TMEM266: variants seen among roughly 807,000 people sequenced by gnomAD.
TMEM266 encodes Hv1 related protein 1.
A neutral mutation model predicts 50.5 loss-of-function variants in TMEM266; 33 were observed. That is an observed-to-expected ratio of 0.65 (90% CI 0.50 to 0.87). The LOEUF (loss-of-function observed/expected upper bound fraction) is 0.87, where lower values mean the gene tolerates loss of function less well. TMEM266 is among the 40% of genes least tolerant of loss of function. The pLI, the probability that TMEM266 is intolerant of heterozygous loss-of-function variation, is 0.00. For missense variants in TMEM266, 655 were observed against 695.1 expected (o/e 0.94, Z 0.65); for synonymous variants, 310 against 292.3 (o/e 1.06, Z -0.62).
intron 9 of TMEM266, among the ~76,000 whole-genome samples, chr15:76,200,594 T>C (rs977377723): frequency 6.6e-6 from 1 of 152,228 alleles, no homozygotes; most frequent in Non-Finnish European, 1.5e-5. Context: ...CATGGCCCTC[T>C]GGAGTCCCTG....
intron 1 of TMEM266, among the ~76,000 whole-genome samples, chr15:76,122,811 G>A (rs1057083987): frequency 3.3e-5 from 5 of 152,136 alleles, no homozygotes; most frequent in African/African-American, 1.2e-4. Flanking sequence ...GCCAGCTAGG[G>A]GCGAGGAGCA....
intron 5 of TMEM266, 118 bp from the exon 6 acceptor site, chr15:76,169,698 G>T: frequency 8.7e-7 from 1 of 1,147,142 alleles, no homozygotes; most frequent in South Asian, 1.3e-5. Flanking sequence ...CTTAGTGGAT[G>T]GCGGAGACCT....
At chr15:76,177,049 C>A (rs911457272) in intron 8 of TMEM266, among the ~76,000 whole-genome samples, 1 of 152,138 alleles carries the variant, frequency 6.6e-6, no homozygotes, top group Admixed American at 6.5e-5. Context: ...CTGTCTAATT[C>A]AAGTCCTAGC....
chr15:76,110,293 G>A (rs971161109), intron 1 of TMEM266, among the ~76,000 whole-genome samples: 23 of 152,098 alleles, frequency 1.5e-4, no homozygotes, highest in African/African-American at 4.6e-4. Context: ...ATAAGCCACC[G>A]CACCATGCCA....
chr15:76,116,542 C>G (rs539640734), intron 1 of TMEM266, among the ~76,000 whole-genome samples: 9 of 152,174 alleles, frequency 5.9e-5, no homozygotes, highest in African/African-American at 2.2e-4. Context: ...CTAGCGTTCT[C>G]TCCTGCACCC....
intron 1 of TMEM266, among the ~76,000 whole-genome samples, chr15:76,071,391 A>T (rs1293540274): frequency 6.6e-6 from 1 of 152,178 alleles, no homozygotes. Flanking sequence ...GCCTGTGTGA[A>T]GGAAAGATGA....
intron 1 of TMEM266, among the ~76,000 whole-genome samples, chr15:76,064,725 A>C (rs886953746): frequency 1.3e-5 from 2 of 152,188 alleles, no homozygotes; most frequent in Non-Finnish European, 2.9e-5. Context: ...GATAACTCCT[A>C]TTCCCAGAAC....
At position 76,137,757 on chromosome 15, in the gene TMEM266, T is replaced by C; in HGVS notation, c.89T>C (p.Val30Ala). 6.2e-7 allele frequency: 1 copy of C among 1,614,198 alleles called. No individual in the cohort carries two copies. Among genetic ancestry groups the C allele is most frequent in the Non-Finnish European group, 8.5e-7 (1 of 1,180,022 alleles). Reference sequence around the variant, plus strand: ...GAAGTTGAGATCATCTCCCAACAAGTAGACGAAGAAACCAAGAGCATTGCT... The same window carrying C: ...GAAGTTGAGATCATCTCCCAACAAGCAGACGAAGAAACCAAGAGCATTGCT... The change falls in exon 3 of 11, where the codon GTA (valine) becomes GCA (alanine). Residue 30 changes from valine to alanine, a missense_variant. Physicochemically the swap from Val to Ala is moderately conservative, Grantham distance 64 (BLOSUM62 0). This residue lies in a region of TMEM266 where 99 missense variants were observed against 110.8 expected (regional missense o/e 0.89). Coordinates refer to ENST00000388942, the MANE Select transcript of TMEM266 (RefSeq NM_152335.3).
At chr15:76,159,267 T>G (rs1294714143) in intron 4 of TMEM266, among the ~76,000 whole-genome samples, 2 of 152,254 alleles carry the variant, frequency 1.3e-5, no homozygotes, top group Non-Finnish European at 2.9e-5. Context: ...ATCCTGCTTT[T>G]GGCCTCGCTG....
chr15:76,203,707 T>G (rs767921733), intron 10 of TMEM266, 34 bp from the exon 11 acceptor site: 5 of 1,585,838 alleles, frequency 3.2e-6, no homozygotes, highest in Non-Finnish European at 4.3e-6. Context: ...TGGCAGAGGT[T>G]GAAGTGTGAC....
intron 8 of TMEM266, among the ~76,000 whole-genome samples, chr15:76,181,749 C>T (rs1313357472): frequency 6.6e-6 from 1 of 152,146 alleles, no homozygotes; most frequent in Non-Finnish European, 1.5e-5. Context: ...TTAGATGCAG[C>T]AGTTAAATCA....
intron 3 of TMEM266, among the ~76,000 whole-genome samples, chr15:76,150,939 A>G (rs2037832289): frequency 6.6e-6 from 1 of 152,194 alleles, no homozygotes; most frequent in Non-Finnish European, 1.5e-5. Flanking sequence ...GAAGGTACTC[A>G]GCCTCCCCTC....
chr15:76,075,100 A>G (rs1258119283), intron 1 of TMEM266, among the ~76,000 whole-genome samples: 1 of 152,134 alleles, frequency 6.6e-6, no homozygotes, highest in East Asian at 1.9e-4. Flanking sequence ...CATGTAATTG[A>G]AGATGTCAAG....
chr15:76,084,309 G>C (rs1021078481), intron 1 of TMEM266, among the ~76,000 whole-genome samples: 1 of 152,142 alleles, frequency 6.6e-6, no homozygotes, highest in Non-Finnish European at 1.5e-5. Context: ...GCAAGACCCT[G>C]TCTCAAAAAG....
chr15:76,148,633 T>TC (rs917663894), intron 3 of TMEM266, among the ~76,000 whole-genome samples: 2 of 152,062 alleles, frequency 1.3e-5, no homozygotes, highest in Non-Finnish European at 2.9e-5. Context: ...GTGTCCTTTG[T>TC]CCCCCCAAGA....
At position 76,139,557 on chromosome 15, in the gene TMEM266, C is replaced by T. The variant is rs998714551; in HGVS notation, c.227+1662C>T. 1.3e-5 allele frequency among the ~76,000 whole-genome samples: 2 copies of T among 152,158 alleles called. No homozygotes were observed. Among genetic ancestry groups the T allele is most frequent in the African/African-American group, 2.4e-5 (1 of 41,432 alleles). On this transcript the variant is annotated intron_variant, in intron 3 of 10. Coordinates refer to ENST00000388942, the MANE Select transcript of TMEM266 (RefSeq NM_152335.3). The surrounding 1 kb of genome is among the most constrained non-coding windows in gnomAD (Gnocchi z 4.1). ...CCCAACACTTGGCTAAATGCTCTGCCGCTGCTGTCTTGAAATTCTTAAGGA... is the reference window on the plus strand; with the variant it reads ...CCCAACACTTGGCTAAATGCTCTGCTGCTGCTGTCTTGAAATTCTTAAGGA...
chr15:76,104,355 C>T lies in TMEM266; in HGVS notation c.-96-29813C>T, dbSNP rs192343413. 1.6e-3 allele frequency among the ~76,000 whole-genome samples: 249 copies of T among 152,288 alleles called. 3 individuals carry two copies. Among genetic ancestry groups the T allele is most frequent in the African/African-American group, 5.8e-3 (240 of 41,562 alleles). The stretch of plus-strand genomic sequence containing the variant: ...AAATTCAGTCCCACAGTTGCACAAG[C>T]CACGTTTCACATTTCAAGTGCACCA... On this transcript the variant is annotated intron_variant, in intron 1 of 10. Coordinates refer to ENST00000388942, the MANE Select transcript of TMEM266 (RefSeq NM_152335.3).
chr15:76,183,524 A>T (rs761036702), intron 8 of TMEM266, among the ~76,000 whole-genome samples: 2 of 152,132 alleles, frequency 1.3e-5, no homozygotes, highest in African/African-American at 2.4e-5. Flanking sequence ...GAAAATGGTG[A>T]TATTGCTCTG....
At chr15:76,146,790 TTC>T (rs2037763397) in intron 3 of TMEM266, among the ~76,000 whole-genome samples, 1 of 152,216 alleles carries the variant, frequency 6.6e-6, no homozygotes, top group Non-Finnish European at 1.5e-5. Flanking sequence ...CCAGAAAGTC[TTC>T]TCTCCTCTAA....
Sources: gnomAD v4.1 joint callset for allele counts (sites outside exome capture counted in the v4.1 genomes callset) on GRCh38, gnomAD v4.1.1 for gene constraint, gnomAD v4.1.1 regional missense constraint, Gnocchi (gnomAD v3.1) non-coding constraint, MANE v1.5 for transcripts, NCBI Gene and HGNC (gene_info 2026-07-23, HGNC 2026-07-21) for gene names.